The following LEPR variants were observed in gnomAD, a reference collection of about 807,000 sequenced individuals.
LEPR encodes the protein OB receptor.
LEPR carries 56 observed loss-of-function variants against 114.7 expected under a neutral mutation model. That is an observed-to-expected ratio of 0.49 (90% CI 0.39 to 0.61). The LOEUF (loss-of-function observed/expected upper bound fraction) is 0.61, where lower values mean the gene tolerates loss of function less well. LEPR is among the 20% of genes least tolerant of loss of function. LEPR has a pLI of 0.00. For synonymous variants in LEPR, 443 were observed against 461.4 expected (o/e 0.96, Z 0.51); for missense variants, 1,202 against 1,352.9 (o/e 0.89, Z 1.75).
intron 2 of LEPR, among the ~76,000 whole-genome samples, chr1:65,452,826 A>G (rs1353836611): frequency 5.9e-5 from 9 of 152,034 alleles, no homozygotes; most frequent in African/African-American, 2.2e-4. Context: ...CTCTTTTTCT[A>G]TTGATTGGAG....
intron 14 of LEPR, among the ~76,000 whole-genome samples, chr1:65,611,295 A>T (rs1254554066): frequency 2.0e-5 from 3 of 152,306 alleles, no homozygotes; most frequent in South Asian, 2.1e-4. Flanking sequence ...TATTCTGAAC[A>T]CTTCATACAG....
At chr1:65,632,143 G>A (rs560744585) in intron 19 of LEPR, among the ~76,000 whole-genome samples, 1 of 152,170 alleles carries the variant, frequency 6.6e-6, no homozygotes, top group South Asian at 2.1e-4. Flanking sequence ...TCCAAATAAA[G>A]CAGCTCAATA....
chr1:65,483,382 CT>C (rs1361019358), intron 2 of LEPR, among the ~76,000 whole-genome samples: 1 of 152,022 alleles, frequency 6.6e-6, no homozygotes, highest in Non-Finnish European at 1.5e-5. Flanking sequence ...AAAATACAAC[CT>C]GATATTACAA....
rs139358461 is a variant in LEPR at position 65,492,335 on chromosome 1, T to C, written c.-21+66957T>C. 5.4e-3 allele frequency among the ~76,000 whole-genome samples: 829 copies of C among 152,256 alleles called. 7 individuals carry two copies. Among genetic ancestry groups the C allele is most frequent in the African/African-American group, 0.019 (794 of 41,562 alleles). ...ATTTTTCATTACCGTTGTCATTATCTTAGCTTAGGCTCTCTTCTTTCATGA... is the reference window on the plus strand; with the variant it reads ...ATTTTTCATTACCGTTGTCATTATCCTAGCTTAGGCTCTCTTCTTTCATGA... On this transcript the variant is annotated intron_variant, in intron 2 of 19. Coordinates refer to ENST00000349533, the MANE Select transcript of LEPR (RefSeq NM_002303.6).
intron 2 of LEPR, among the ~76,000 whole-genome samples, chr1:65,474,033 A>G (rs1647124712): frequency 6.6e-6 from 1 of 152,162 alleles, no homozygotes; most frequent in African/African-American, 2.4e-5. Flanking sequence ...TCTTTATCCA[A>G]GTTGTTGCTA....
At position 65,433,530 on chromosome 1, in the gene LEPR, A is replaced by G. The variant is rs1646516937; in HGVS notation, c.-21+8152A>G. The G allele has an allele frequency of 3.0e-6, 3 of 985,412 alleles. No homozygotes were observed. In the African/African-American group the frequency reaches 5.2e-5, roughly 17 times the overall value. 61.0% of individuals were successfully genotyped at this position (985,412 alleles called of 1,614,324 possible). A position where few individuals can be genotyped will look rare whatever the true frequency, so the allele number is the denominator to read the frequency against. On this transcript the variant is annotated intron_variant, in intron 2 of 19. Coordinates refer to ENST00000349533, the MANE Select transcript of LEPR (RefSeq NM_002303.6). ...AAACTGAAATACATTCAAAACACTTAATCCTTGAGGCTTGTGATCTGAGTA... is the reference window on the plus strand; with the variant it reads ...AAACTGAAATACATTCAAAACACTTGATCCTTGAGGCTTGTGATCTGAGTA...
At chr1:65,497,437 T>C (rs959830731) in intron 2 of LEPR, among the ~76,000 whole-genome samples, 4 of 152,160 alleles carry the variant, frequency 2.6e-5, no homozygotes, top group African/African-American at 9.7e-5. Context: ...GGCTGGACTC[T>C]TCCTAGATTG....
At chr1:65,516,277 A>G (rs969461538) in intron 2 of LEPR, among the ~76,000 whole-genome samples, 9 of 152,086 alleles carry the variant, frequency 5.9e-5, no homozygotes, top group African/African-American at 2.2e-4. Flanking sequence ...TACTAAAAAT[A>G]CAAAAAAATT....
At position 65,511,502 on chromosome 1, in the gene LEPR, G is replaced by C. The variant is rs140796856; in HGVS notation, c.-20-54044G>C. ...TTTTTCCCAAAAGATGGCAACCAAG[G>C]TCTTGCAATCACATTGCCCCATTCA... On this transcript the variant is annotated intron_variant, in intron 2 of 19. Transcript: ENST00000349533. 9.8e-3 allele frequency among the ~76,000 whole-genome samples: 1,491 copies of C among 151,590 alleles called. 23 individuals are homozygous for C. Among genetic ancestry groups the C allele is most frequent in the African/African-American group, 0.034 (1,420 of 41,306 alleles).
At chr1:65,453,147 G>A (rs1043371807) in intron 2 of LEPR, among the ~76,000 whole-genome samples, 3 of 151,642 alleles carry the variant, frequency 2.0e-5, no homozygotes, top group Admixed American at 6.6e-5. Flanking sequence ...ATTTTTTATT[G>A]CGTCTATTAG....
At chr1:65,447,179 G>T (rs190135953) in intron 2 of LEPR, among the ~76,000 whole-genome samples, 47 of 151,964 alleles carry the variant, frequency 3.1e-4, no homozygotes, top group African/African-American at 1.0e-3. Context: ...GCCTAATGTC[G>T]TGATGATTTT....
At position 65,641,354 on chromosome 1, in the gene LEPR, C is replaced by G. The variant is rs900944098; in HGVS notation, c.*4339C>G. On this transcript the variant is annotated 3_prime_UTR_variant, in exon 20 of 20. Transcript: ENST00000349533. ...GTTTGGCATGTGGTTAATACTTTCT[C>G]TTTAGTCACAACTGGTATTTTAATA... 3 of 152,158 alleles carry G rather than the reference C, an allele frequency of 2.0e-5. No individual in the cohort carries two copies. The highest frequency in any genetic ancestry group is 7.2e-5 in the African/African-American group (3 of 41,430). The allele number at this position is 152,158 out of a possible 1,614,324, so 9.4% of individuals were successfully genotyped here.
At chr1:65,544,700 C>CA (rs1553163264) in intron 2 of LEPR, among the ~76,000 whole-genome samples, 10 of 67,242 alleles carry the variant, frequency 1.5e-4, no homozygotes, top group East Asian at 1.1e-3. Context: ...GACAATCATG[C>CA]GGTTTTTTTT....
At position 65,575,715 on chromosome 1, in the gene LEPR, A is replaced by G. The variant is rs369955102; in HGVS notation, c.494+3266A>G. ...GCAAGTTCCTGATAAGATAAAAACCATTCCATCATTAAAGGGGATTAAAAA... is the reference window on the plus strand; with the variant it reads ...GCAAGTTCCTGATAAGATAAAAACCGTTCCATCATTAAAGGGGATTAAAAA... On this transcript the variant is annotated intron_variant, in intron 5 of 19. Coordinates refer to ENST00000349533, the MANE Select transcript of LEPR (RefSeq NM_002303.6). Among the ~76,000 whole-genome samples the G allele has an allele frequency of 3.6e-4, 55 of 151,700 alleles. 1 individual carries two copies. In the South Asian group the frequency reaches 0.011, roughly 30 times the overall value.
chr1:65,533,360 G>A (rs1258242718), intron 2 of LEPR, among the ~76,000 whole-genome samples: 1 of 152,110 alleles, frequency 6.6e-6, no homozygotes, highest in Admixed American at 6.6e-5. Flanking sequence ...ATTCTAAGAT[G>A]TATATGGAAA....
At chr1:65,534,143 T>C (rs1650593851) in intron 2 of LEPR, among the ~76,000 whole-genome samples, 2 of 152,314 alleles carry the variant, frequency 1.3e-5, no homozygotes, top group Admixed American at 1.3e-4. Context: ...TTGTATTTAC[T>C]TTCTGCTTTC....
Position 65,570,458 on chromosome 1 carries a change from T to C in LEPR, c.41-15T>C, listed in dbSNP as rs750012009. The C allele has an allele frequency of 6.2e-7, 1 of 1,611,214 alleles. No individual in the cohort carries two copies. The highest frequency in any genetic ancestry group is 2.2e-5 in the East Asian group (1 of 44,826). ...TGATTACTTTTTTCTATGTGTCTTT[T>C]TAATATCCTAACAGAATTTATTTAT... On this transcript the variant is annotated splice_polypyrimidine_tract_variant and intron_variant, in intron 3 of 19. Coordinates refer to ENST00000349533, the MANE Select transcript of LEPR (RefSeq NM_002303.6).
At chr1:65,612,887 AC>A (rs2100978381) in intron 14 of LEPR, among the ~76,000 whole-genome samples, 1 of 152,254 alleles carries the variant, frequency 6.6e-6, no homozygotes, top group South Asian at 2.1e-4. Flanking sequence ...GTTGATGTTA[AC>A]CTTGCTCGTC....
At chr1:65,533,244 G>C (rs897419009) in intron 2 of LEPR, among the ~76,000 whole-genome samples, 3 of 152,124 alleles carry the variant, frequency 2.0e-5, no homozygotes, top group African/African-American at 7.2e-5. Context: ...TTTTAGGACT[G>C]AATGATTAAA....
Sources: allele counts gnomAD v4.1 joint callset (sites outside exome capture counted in the v4.1 genomes callset), GRCh38; gene constraint gnomAD v4.1.1; transcripts MANE v1.5; gene names NCBI Gene and HGNC (gene_info 2026-07-23, HGNC 2026-07-21).